SHC4: variants seen among roughly 807,000 people sequenced by gnomAD.
The protein encoded by SHC4 is SHC adaptor protein 4.
A neutral mutation model predicts 69.4 loss-of-function variants in SHC4; 41 were observed. The ratio of observed to expected loss-of-function variants is 0.59; its 90% CI spans 0.46 to 0.77. SHC4 has a LOEUF of 0.77. Among genes scored for constraint, SHC4 ranks in the 30% least tolerant of loss-of-function variants. The pLI is 0.00. For missense variants in SHC4, 777 were observed against 783.8 expected, an observed-to-expected ratio of 0.99 and a Z score of 0.10; for synonymous variants, 318 against 299.3, an observed-to-expected ratio of 1.06 and a Z score of -0.64.
chr15:48,834,922 A>G lies in SHC4; in HGVS notation c.1584T>C (p.His528=). ...KQQLWSEECY[H]GKLSRKAAES... The stretch of plus-strand genomic sequence containing the variant: ...CTGCCGCCTTCCTGCTCAGCTTGCC[A>G]TGATAGCATTCTTCGCTCCACAGCT... The change falls in exon 11 of 12, where the codon CAT becomes CAC. Residue 528 remains histidine (H), a synonymous_variant. Transcript: ENST00000332408. The G allele has an allele frequency of 6.2e-7, 1 of 1,614,006 alleles. No homozygotes were observed.
At chr15:48,938,617 A>G (rs192125593) in intron 1 of SHC4, among the ~76,000 whole-genome samples, 10 of 152,330 alleles carry the variant, frequency 6.6e-5, no homozygotes, top group Admixed American at 6.5e-4. Context: ...GATTTGTCAC[A>G]TGTCCTTTCT....
At chr15:48,858,851 A>G (rs991678185) in intron 6 of SHC4, among the ~76,000 whole-genome samples, 2 of 152,234 alleles carry the variant, frequency 1.3e-5, no homozygotes, top group Non-Finnish European at 2.9e-5. Context: ...TTTAATATAC[A>G]CAAGAGTGTT....
At chr15:48,832,688 G>T (rs1039687177) in intron 11 of SHC4, among the ~76,000 whole-genome samples, 1 of 151,928 alleles carries the variant, frequency 6.6e-6, no homozygotes, top group Non-Finnish European at 1.5e-5. Flanking sequence ...AAACTGGTCT[G>T]CTTGATGGTG....
chr15:48,894,162 A>T (rs1056509398), intron 2 of SHC4, among the ~76,000 whole-genome samples: 2 of 152,210 alleles, frequency 1.3e-5, no homozygotes, highest in Non-Finnish European at 2.9e-5. Flanking sequence ...AGTGTGAAAA[A>T]GTAGAACTTG....
chr15:48,847,331 G>T (rs1265276672), intron 9 of SHC4, among the ~76,000 whole-genome samples: 1 of 152,070 alleles, frequency 6.6e-6, no homozygotes, highest in Non-Finnish European at 1.5e-5. Context: ...ATGTCTTTTT[G>T]ATTAAAAATA....
At chr15:48,946,522 T>C (rs1901279008) in intron 1 of SHC4, 1 of 937,348 alleles carries the variant, frequency 1.1e-6, no homozygotes, top group African/African-American at 1.8e-5. Context: ...CTCCTTCTTT[T>C]CTTAAGTGAC....
chr15:48,867,901 A>G, intron 5 of SHC4, 32 bp from the exon 6 acceptor site: 1 of 1,553,918 alleles, frequency 6.4e-7, no homozygotes. Flanking sequence ...TGTATTTAAA[A>G]TGGATGAACT....
At chr15:48,847,529 T>C (rs1179820357) in intron 9 of SHC4, among the ~76,000 whole-genome samples, 2 of 152,196 alleles carry the variant, frequency 1.3e-5, no homozygotes, top group East Asian at 3.8e-4. Context: ...GAATTCAAGT[T>C]TGAAGTCAAT....
chr15:48,830,100 T>C (rs1206694149), intron 11 of SHC4, among the ~76,000 whole-genome samples: 1 of 152,086 alleles, frequency 6.6e-6, no homozygotes, highest in Non-Finnish European at 1.5e-5. Context: ...GTCTTAAAGC[T>C]TTTTTTGGTC....
intron 10 of SHC4, among the ~76,000 whole-genome samples, chr15:48,842,947 G>A (rs912317015): frequency 6.6e-6 from 1 of 151,858 alleles, no homozygotes; most frequent in Non-Finnish European, 1.5e-5. Flanking sequence ...AAAAAGAAAA[G>A]AAGAAGATAA....
chr15:48,910,125 G>T lies in SHC4; in HGVS notation c.656+14754C>A, dbSNP rs150157782. Among the ~76,000 whole-genome samples, 373 of 152,162 alleles carry T rather than the reference G, an allele frequency of 2.5e-3. 3 individuals carry two copies. Among genetic ancestry groups the T allele is most frequent in the African/African-American group, 8.5e-3 (353 of 41,538 alleles). On this transcript the variant is annotated intron_variant, in intron 2 of 11. Coordinates refer to ENST00000332408, the MANE Select transcript of SHC4 (RefSeq NM_203349.4). ...CTATATTGTGTAATAATGTCAAAAG[G>T]ATTGGTACCAACTCTTCTTCAAATG...
chr15:48,875,537 A>G (rs867050260), intron 4 of SHC4, among the ~76,000 whole-genome samples: 1 of 152,266 alleles, frequency 6.6e-6, no homozygotes, highest in Admixed American at 6.5e-5. Flanking sequence ...AACTGATGAA[A>G]TATCAGAGGA....
intron 2 of SHC4, among the ~76,000 whole-genome samples, chr15:48,895,053 C>A (rs151303869): frequency 0.017 from 2,640 of 152,220 alleles, 65 homozygotes; most frequent in African/African-American, 0.052. Context: ...GAGTCTCCCA[C>A]CTCAGCCTCC....
intron 8 of SHC4, among the ~76,000 whole-genome samples, chr15:48,855,497 G>T (rs932519498): frequency 6.6e-6 from 1 of 152,120 alleles, no homozygotes; most frequent in African/African-American, 2.4e-5. Flanking sequence ...TGGGTTGAGG[G>T]AGTCCAAGTT....
chr15:48,831,360 T>A (rs188487900), intron 11 of SHC4, among the ~76,000 whole-genome samples: 17 of 152,292 alleles, frequency 1.1e-4, no homozygotes, highest in Non-Finnish European at 2.4e-4. Context: ...CACCACTCAC[T>A]CGCTGGCTCA....
At chr15:48,953,779 A>G (rs1423968957) in intron 1 of SHC4, among the ~76,000 whole-genome samples, 1 of 152,254 alleles carries the variant, frequency 6.6e-6, no homozygotes, top group Non-Finnish European at 1.5e-5. Context: ...GGGTTAAGGT[A>G]GAATCTGTCC....
rs147827332 is a variant in SHC4 at position 48,827,166 on chromosome 15, A to G, written c.1738-1040T>C. ...GCAACAAGGCAGCACCTCGTTATGT[A>G]TTTCTGCCAGCTCTCCTACAAGGGA... is the stretch of plus-strand genomic sequence containing the variant. On this transcript the variant is annotated intron_variant, in intron 11 of 11. Coordinates refer to ENST00000332408, the MANE Select transcript of SHC4 (RefSeq NM_203349.4). 1.2e-3 allele frequency among the ~76,000 whole-genome samples: 185 copies of G among 152,274 alleles called. 1 individual carries two copies. The highest frequency in any genetic ancestry group is 4.1e-3 in the African/African-American group (172 of 41,548).
At chr15:48,923,245 T>A (rs573097557) in intron 2 of SHC4, among the ~76,000 whole-genome samples, 2 of 152,236 alleles carry the variant, frequency 1.3e-5, no homozygotes, top group African/African-American at 4.8e-5. Flanking sequence ...CAAGGCCCAA[T>A]AAAGTTTAGA....
At chr15:48,944,965 A>G (rs192869562) in intron 1 of SHC4, among the ~76,000 whole-genome samples, 1 of 152,326 alleles carries the variant, frequency 6.6e-6, no homozygotes, top group East Asian at 1.9e-4. Flanking sequence ...AAAAATATGC[A>G]CCCAAAAACA....
Sources: gnomAD v4.1 joint callset for allele counts (sites outside exome capture counted in the v4.1 genomes callset) on GRCh38, gnomAD v4.1.1 for gene constraint, MANE v1.5 for transcripts, NCBI Gene and HGNC (gene_info 2026-07-23, HGNC 2026-07-21) for gene names.